Variants in RPS6KC1 observed in about 807,000 individuals in gnomAD.
RPS6KC1 encodes the protein inactive ribosomal protein S6 kinase delta-1.
RPS6KC1 carries 54 observed loss-of-function variants against 103.8 expected under a neutral mutation model. The observed-to-expected ratio is 0.52, with a 90% CI of 0.42 to 0.65. The LOEUF (loss-of-function observed/expected upper bound fraction) is 0.65, where lower values mean the gene tolerates loss of function less well. Ranked by LOEUF, RPS6KC1 falls within the 30% of genes least tolerant of loss-of-function variation. The pLI, the probability that RPS6KC1 is intolerant of heterozygous loss-of-function variation, is 0.00. For synonymous variants in RPS6KC1, 439 were observed against 438.7 expected, an observed-to-expected ratio of 1.00 and a Z score of -0.01; for missense variants, 1,151 against 1,253.8, an observed-to-expected ratio of 0.92 and a Z score of 1.24.
chr1:213,543,275 G>A, the RPS6KC1 span, among the ~76,000 whole-genome samples: 20 of 152,190 alleles, frequency 1.3e-4, no homozygotes, highest in African/African-American at 4.3e-4. Context: ...CACTGAGGCA[G>A]CAGCCAAGGA....
chr1:213,295,041 C>T, the RPS6KC1 span, among the ~76,000 whole-genome samples: 1 of 152,044 alleles, frequency 6.6e-6, no homozygotes, highest in Non-Finnish European at 1.5e-5. Context: ...AGCAAAAGCA[C>T]TCCATATCTA....
At chr1:213,828,445 G>A in the RPS6KC1 span, among the ~76,000 whole-genome samples, 2 of 152,122 alleles carry the variant, frequency 1.3e-5, no homozygotes, top group Non-Finnish European at 2.9e-5. Context: ...ATACAGCAAG[G>A]GGGCCGGAAA....
chr1:213,739,258 T>C, the RPS6KC1 span, among the ~76,000 whole-genome samples: 1 of 152,216 alleles, frequency 6.6e-6, no homozygotes, highest in Non-Finnish European at 1.5e-5. Flanking sequence ...TAAAATAACA[T>C]TTTGTTTTCT....
the RPS6KC1 span, among the ~76,000 whole-genome samples, chr1:213,346,265 A>T: frequency 6.6e-6 from 1 of 152,176 alleles, no homozygotes; most frequent in Non-Finnish European, 1.5e-5. Context: ...ACTAGTATTT[A>T]TTTGTTTTAA....
the RPS6KC1 span, among the ~76,000 whole-genome samples, chr1:213,477,510 T>G: frequency 6.6e-6 from 1 of 152,190 alleles, no homozygotes; most frequent in East Asian, 1.9e-4. Context: ...ATCCTATCTT[T>G]GTGAATTGTA....
rs184127486 is a variant in RPS6KC1 at position 213,271,531 on chromosome 1, C to G, written c.3091-993C>G. ...CTGTAATCCCAGCACTTTGGGAGGC[C>G]GAGACGGGCGGATCACGAGGTCAGG... On this transcript the variant is annotated intron_variant, in intron 14 of 14. Transcript: ENST00000366960. 3.9e-3 allele frequency among the ~76,000 whole-genome samples: 596 copies of G among 152,032 alleles called. 2 individuals carry two copies. Among genetic ancestry groups the G allele is most frequent in the Middle Eastern group, 6.8e-3 (2 of 294 alleles).
the RPS6KC1 span, among the ~76,000 whole-genome samples, chr1:213,622,772 C>G: frequency 1.3e-5 from 2 of 152,300 alleles, no homozygotes; most frequent in Admixed American, 1.3e-4. Context: ...CTCCCTTTCT[C>G]TTGAACCTGC....
the RPS6KC1 span, among the ~76,000 whole-genome samples, chr1:213,390,177 A>G: frequency 2.6e-5 from 4 of 152,220 alleles, no homozygotes; most frequent in Admixed American, 6.5e-5. Flanking sequence ...TGAAAAATGT[A>G]CATCTCTCCC....
At chr1:213,223,553 G>T (rs2093887369) in intron 8 of RPS6KC1, among the ~76,000 whole-genome samples, 1 of 152,038 alleles carries the variant, frequency 6.6e-6, no homozygotes, top group Admixed American at 6.6e-5. Flanking sequence ...TCTTTTTATG[G>T]CTGAGTAGTA....
chr1:213,486,774 G>A, the RPS6KC1 span, among the ~76,000 whole-genome samples: 19 of 152,242 alleles, frequency 1.2e-4, no homozygotes, highest in Non-Finnish European at 2.2e-4. Context: ...TGGGCCCGTG[G>A]GCTGGGAATA....
chr1:213,578,472 A>T, the RPS6KC1 span, among the ~76,000 whole-genome samples: 1 of 152,206 alleles, frequency 6.6e-6, no homozygotes, highest in African/African-American at 2.4e-5. Flanking sequence ...GCACCTGGAA[A>T]AGTCACAGAC....
chr1:213,060,934 T>A (rs1433953510), intron 1 of RPS6KC1, among the ~76,000 whole-genome samples: 1 of 151,802 alleles, frequency 6.6e-6, no homozygotes, highest in Non-Finnish European at 1.5e-5. Context: ...CAATAGACAT[T>A]TCTTTCCCAC....
intron 8 of RPS6KC1, among the ~76,000 whole-genome samples, chr1:213,199,336 A>G (rs1490892817): frequency 1.3e-5 from 2 of 152,232 alleles, no homozygotes; most frequent in African/African-American, 2.4e-5. Flanking sequence ...GGTTGGTTCA[A>G]CATATGCAAA....
At chr1:213,168,584 T>C (rs1220963420) in intron 7 of RPS6KC1, among the ~76,000 whole-genome samples, 1 of 152,168 alleles carries the variant, frequency 6.6e-6, no homozygotes, top group African/African-American at 2.4e-5. Context: ...AATTTAAGAA[T>C]TGTGTCTTCC....
At chr1:213,095,332 A>G (rs2081348397) in intron 3 of RPS6KC1, among the ~76,000 whole-genome samples, 1 of 152,210 alleles carries the variant, frequency 6.6e-6, no homozygotes, top group African/African-American at 2.4e-5. Flanking sequence ...AGATAATTTC[A>G]TACTGGTCAA....
the RPS6KC1 span, among the ~76,000 whole-genome samples, chr1:213,756,861 C>CG: frequency 1.6e-4 from 25 of 152,024 alleles, no homozygotes; most frequent in Admixed American, 1.6e-3. Context: ...CTGCCTGCCT[C>CG]GGCCCCCCCA....
At chr1:213,225,830 A>G (rs976561902) in intron 8 of RPS6KC1, among the ~76,000 whole-genome samples, 3 of 152,180 alleles carry the variant, frequency 2.0e-5, no homozygotes, top group Middle Eastern at 3.2e-3. Context: ...TCCTTTGGTT[A>G]TACAGCTTCC....
At chr1:213,600,103 T>C in the RPS6KC1 span, among the ~76,000 whole-genome samples, 1 of 152,176 alleles carries the variant, frequency 6.6e-6, no homozygotes, top group South Asian at 2.1e-4. Flanking sequence ...TGGCTCGCGC[T>C]TCCCTCTCTT....
At chr1:213,344,925 G>A in the RPS6KC1 span, among the ~76,000 whole-genome samples, 24 of 152,100 alleles carry the variant, frequency 1.6e-4, no homozygotes, top group African/African-American at 5.8e-4. Context: ...TTCTGCACCT[G>A]GAAAATTGCT....
Sources: gnomAD v4.1 joint callset for allele counts (sites outside exome capture counted in the v4.1 genomes callset) on GRCh38, gnomAD v4.1.1 for gene constraint, MANE v1.5 for transcripts, NCBI Gene and HGNC (gene_info 2026-07-23, HGNC 2026-07-21) for gene names.